The following UNC5C variants were observed in gnomAD, a reference collection of about 807,000 sequenced individuals.
The protein encoded by UNC5C is unc-5 netrin receptor C.
A neutral mutation model predicts 99.8 loss-of-function variants in UNC5C; 47 were observed. The ratio of observed to expected loss-of-function variants is 0.47; its 90% CI spans 0.37 to 0.60. The LOEUF is 0.60. Among genes scored for constraint, UNC5C ranks in the 20% least tolerant of loss-of-function variants. UNC5C has a pLI of 0.00. For synonymous variants in UNC5C, 487 were observed against 452.2 expected (o/e 1.08, Z -0.98); for missense variants, 1,062 against 1,165.9 (o/e 0.91, Z 1.30).
At chr4:95,504,217 G>C (rs892862613) in intron 1 of UNC5C, among the ~76,000 whole-genome samples, 1 of 152,056 alleles carries the variant, frequency 6.6e-6, no homozygotes, top group Non-Finnish European at 1.5e-5. Flanking sequence ...TTTGGCAAAT[G>C]TATTTCATTT....
chr4:95,273,661 G>A (rs959023080), intron 4 of UNC5C, among the ~76,000 whole-genome samples: 1 of 152,164 alleles, frequency 6.6e-6, no homozygotes, highest in African/African-American at 2.4e-5. Context: ...TAACAAAAGT[G>A]TTATTAAAGG....
At chr4:95,333,995 C>T (rs1004792904) in intron 2 of UNC5C, among the ~76,000 whole-genome samples, 1 of 151,908 alleles carries the variant, frequency 6.6e-6, no homozygotes, top group African/African-American at 2.4e-5. Context: ...AGTAAGCTAC[C>T]CTATAATTGG....
At chr4:95,385,145 C>T (rs559590881) in intron 1 of UNC5C, among the ~76,000 whole-genome samples, 26 of 152,206 alleles carry the variant, frequency 1.7e-4, no homozygotes, top group African/African-American at 6.0e-4. Context: ...ATTCACAGTG[C>T]TTTGTAGACT....
At chr4:95,259,937 T>C (rs1740158364) in intron 4 of UNC5C, among the ~76,000 whole-genome samples, 1 of 152,210 alleles carries the variant, frequency 6.6e-6, no homozygotes, top group African/African-American at 2.4e-5. Flanking sequence ...CTTGTTCTTT[T>C]AATGACATCA....
intron 2 of UNC5C, among the ~76,000 whole-genome samples, chr4:95,331,317 T>C (rs1298385836): frequency 6.6e-6 from 1 of 152,162 alleles, no homozygotes; most frequent in Non-Finnish European, 1.5e-5. Context: ...TGATTTCTTT[T>C]CCTTTGGGTA....
At chr4:95,294,137 T>A (rs1741587377) in intron 3 of UNC5C, among the ~76,000 whole-genome samples, 1 of 152,238 alleles carries the variant, frequency 6.6e-6, no homozygotes, top group African/African-American at 2.4e-5. Context: ...CTCAGTGAAA[T>A]ACATGACCGA....
intron 1 of UNC5C, among the ~76,000 whole-genome samples, chr4:95,491,997 T>C (rs1409758771): frequency 6.6e-6 from 1 of 151,542 alleles, no homozygotes; most frequent in African/African-American, 2.4e-5. Context: ...GGTGTGTTAG[T>C]TATCTAATTA....
chr4:95,456,829 A>G (rs772056415), intron 1 of UNC5C, among the ~76,000 whole-genome samples: 1 of 152,162 alleles, frequency 6.6e-6, no homozygotes, highest in Non-Finnish European at 1.5e-5. Context: ...CCCTATGCAA[A>G]TATGAGGTTG....
intron 3 of UNC5C, among the ~76,000 whole-genome samples, chr4:95,292,062 T>C (rs1741476439): frequency 6.6e-6 from 1 of 151,876 alleles, no homozygotes. Context: ...TTTTGTTAAA[T>C]TGTATAATTA....
intron 1 of UNC5C, among the ~76,000 whole-genome samples, chr4:95,515,257 T>A (rs1208986019): frequency 2.0e-5 from 3 of 152,176 alleles, no homozygotes; most frequent in Admixed American, 6.6e-5. Flanking sequence ...TTATAGTACA[T>A]GCTGCTTTCA....
intron 1 of UNC5C, among the ~76,000 whole-genome samples, chr4:95,497,362 C>A (rs895348139): frequency 1.3e-5 from 2 of 151,902 alleles, no homozygotes; most frequent in African/African-American, 4.8e-5. Flanking sequence ...TTGATATATG[C>A]TATATAAGCC....
chr4:95,445,271 CTCCTGAATTTCA>C (rs1185426203), intron 1 of UNC5C, among the ~76,000 whole-genome samples: 2 of 151,892 alleles, frequency 1.3e-5, no homozygotes, highest in Non-Finnish European at 2.9e-5. Flanking sequence ...TAGTTTTTTT[CTCCTGAATTTCA>C]TCTGCCCTCC....
chr4:95,509,156 G>C (rs973236404), intron 1 of UNC5C, among the ~76,000 whole-genome samples: 14 of 151,666 alleles, frequency 9.2e-5, no homozygotes, highest in Non-Finnish European at 2.1e-4. Flanking sequence ...GTTTATTCTC[G>C]ATTATTATCA....
At chr4:95,197,737 G>C (rs748072414) in intron 12 of UNC5C, among the ~76,000 whole-genome samples, 2 of 152,106 alleles carry the variant, frequency 1.3e-5, no homozygotes, top group Non-Finnish European at 2.9e-5. Context: ...CTTAGAACAG[G>C]TATCTTGAGA....
intron 1 of UNC5C, among the ~76,000 whole-genome samples, chr4:95,397,386 C>T (rs893520697): frequency 6.6e-6 from 1 of 152,158 alleles, no homozygotes; most frequent in Admixed American, 6.5e-5. Context: ...TGGCTAATCC[C>T]ATTCTACCAA....
chr4:95,312,944 A>G (rs1742327107), intron 2 of UNC5C, among the ~76,000 whole-genome samples: 2 of 152,184 alleles, frequency 1.3e-5, no homozygotes, highest in Non-Finnish European at 1.5e-5. Flanking sequence ...CATTCTCTAC[A>G]TTGATCTACT....
intron 14 of UNC5C, among the ~76,000 whole-genome samples, chr4:95,178,271 A>G (rs770815859): frequency 6.6e-6 from 1 of 152,020 alleles, no homozygotes; most frequent in Non-Finnish European, 1.5e-5. Context: ...CTTTTCTTTG[A>G]TCTCTGTCAG....
chr4:95,354,709 C>T (rs181144768), intron 1 of UNC5C, among the ~76,000 whole-genome samples: 200 of 151,884 alleles, frequency 1.3e-3, no homozygotes, highest in African/African-American at 4.1e-3. Flanking sequence ...TCTCAAACTC[C>T]GGGGATCAAG....
chr4:95,496,551 C>T (rs1721635333), intron 1 of UNC5C, among the ~76,000 whole-genome samples: 1 of 151,814 alleles, frequency 6.6e-6, no homozygotes, highest in Non-Finnish European at 1.5e-5. Context: ...ACTTTTAGTT[C>T]ATCCTAGGTT....
Sources: gnomAD v4.1 joint callset for allele counts (sites outside exome capture counted in the v4.1 genomes callset) on GRCh38, gnomAD v4.1.1 for gene constraint, MANE v1.5 for transcripts, NCBI Gene and HGNC (gene_info 2026-07-23, HGNC 2026-07-21) for gene names.